Variants in DSCAM observed in about 807,000 individuals in gnomAD.
DSCAM encodes cell adhesion molecule DSCAM.
DSCAM carries 47 observed loss-of-function variants against 217.7 expected under a neutral mutation model. The observed-to-expected ratio is 0.22, with a 90% confidence interval of 0.17 to 0.28. The LOEUF is 0.28. Ranked by LOEUF, DSCAM falls within the 10% of genes least tolerant of loss-of-function variation. The pLI, the probability that DSCAM is intolerant of heterozygous loss-of-function variation, is 1.00. For synonymous variants in DSCAM, 1,056 were observed against 1,015.3 expected, an observed-to-expected ratio of 1.04 and a Z score of -0.76; for missense variants, 2,080 against 2,618.3, an observed-to-expected ratio of 0.79 and a Z score of 4.49.
intron 11 of DSCAM, among the ~76,000 whole-genome samples, chr21:40,223,411 T>C (rs1212031962): frequency 6.6e-6 from 1 of 152,212 alleles, no homozygotes; most frequent in African/African-American, 2.4e-5. Flanking sequence ...CATTTTCAGC[T>C]CTTAAACACA....
At chr21:40,225,383 G>A (rs933678766) in intron 11 of DSCAM, among the ~76,000 whole-genome samples, 12 of 152,042 alleles carry the variant, frequency 7.9e-5, no homozygotes, top group African/African-American at 2.7e-4. Context: ...TTCCCCCAGC[G>A]ATCTCAGGCA....
chr21:40,380,773 T>C (rs976918445), intron 3 of DSCAM, among the ~76,000 whole-genome samples: 1 of 152,078 alleles, frequency 6.6e-6, no homozygotes, highest in Non-Finnish European at 1.5e-5. Context: ...GGTTTGAAAA[T>C]AGAACTGAGG....
intron 11 of DSCAM, among the ~76,000 whole-genome samples, chr21:40,262,747 C>A (rs2073470597): frequency 6.6e-6 from 1 of 152,284 alleles, no homozygotes; most frequent in Admixed American, 6.5e-5. Flanking sequence ...GGCTGGAGGG[C>A]AGTGATAGAA....
intron 3 of DSCAM, among the ~76,000 whole-genome samples, chr21:40,665,705 T>C (rs1464941841): frequency 6.6e-6 from 1 of 152,222 alleles, no homozygotes; most frequent in East Asian, 1.9e-4. Flanking sequence ...CTGGCACTAC[T>C]GCTCACCGTT....
intron 8 of DSCAM, among the ~76,000 whole-genome samples, chr21:40,335,241 T>C (rs959293854): frequency 6.6e-6 from 1 of 152,134 alleles, no homozygotes; most frequent in Non-Finnish European, 1.5e-5. Flanking sequence ...GGCAATAAAA[T>C]ACCACATAAA....
chr21:40,364,976 A>G (rs2074816192), intron 4 of DSCAM, among the ~76,000 whole-genome samples: 1 of 150,358 alleles, frequency 6.7e-6, no homozygotes, highest in Non-Finnish European at 1.5e-5. Flanking sequence ...CTTATACTGA[A>G]AATAAAAATA....
intron 3 of DSCAM, among the ~76,000 whole-genome samples, chr21:40,440,029 C>T (rs74320770): frequency 6.7e-6 from 1 of 148,748 alleles, no homozygotes; most frequent in Non-Finnish European, 1.5e-5. Context: ...CAACAATTTA[C>T]AGTATTTACA....
chr21:40,118,124 G>A (rs2146654421), intron 20 of DSCAM, among the ~76,000 whole-genome samples: 2 of 152,210 alleles, frequency 1.3e-5, no homozygotes, highest in South Asian at 4.2e-4. Context: ...AATGTCTTTA[G>A]GTAAAAACTG....
chr21:40,061,828 G>A (rs74803844), intron 28 of DSCAM, among the ~76,000 whole-genome samples: 284 of 152,254 alleles, frequency 1.9e-3, no homozygotes, highest in Non-Finnish European at 3.1e-3. Flanking sequence ...TGTTGGTGAT[G>A]GGAGTGGGAA....
chr21:40,199,825 C>A (rs192521832), intron 11 of DSCAM, among the ~76,000 whole-genome samples: 1 of 152,110 alleles, frequency 6.6e-6, no homozygotes, highest in African/African-American at 2.4e-5. Context: ...CTAATGCATG[C>A]AGGGCTTAAA....
intron 32 of DSCAM, among the ~76,000 whole-genome samples, chr21:40,015,824 C>A (rs2088147377): frequency 6.6e-6 from 1 of 152,178 alleles, no homozygotes; most frequent in Non-Finnish European, 1.5e-5. Flanking sequence ...AATTAGGGCC[C>A]AGCCACCAGG....
At chr21:40,706,325 A>G (rs2090717572) in intron 2 of DSCAM, among the ~76,000 whole-genome samples, 1 of 152,206 alleles carries the variant, frequency 6.6e-6, no homozygotes, top group African/African-American at 2.4e-5. Flanking sequence ...GTAAGGAGCA[A>G]TACTGTCTGA....
intron 3 of DSCAM, among the ~76,000 whole-genome samples, chr21:40,638,743 G>A (rs1226931223): frequency 6.6e-6 from 1 of 152,070 alleles, no homozygotes; most frequent in East Asian, 1.9e-4. Context: ...CATTTTACTC[G>A]CGGCTAGACA....
intron 1 of DSCAM, among the ~76,000 whole-genome samples, chr21:40,722,660 T>C (rs976050775): frequency 2.0e-5 from 3 of 152,116 alleles, no homozygotes; most frequent in African/African-American, 7.2e-5. Context: ...ATTAGCAAGA[T>C]GATAGGTTTA....
chr21:40,360,728 G>A (rs926455916), intron 4 of DSCAM, among the ~76,000 whole-genome samples: 7 of 152,174 alleles, frequency 4.6e-5, no homozygotes, highest in African/African-American at 1.7e-4. Context: ...TGGACACCTG[G>A]GCTGATTTCA....
intron 1 of DSCAM, among the ~76,000 whole-genome samples, chr21:40,798,361 C>T (rs907179820): frequency 1.3e-5 from 2 of 151,990 alleles, no homozygotes; most frequent in Admixed American, 6.6e-5. Context: ...GTTTCGATTG[C>T]ATGAAATTTA....
chr21:40,337,268 G>A (rs1297974514), intron 8 of DSCAM, among the ~76,000 whole-genome samples: 1 of 152,126 alleles, frequency 6.6e-6, no homozygotes, highest in Admixed American at 6.6e-5. Context: ...CCTCAGACAG[G>A]CAGCTCAATG....
chr21:40,184,863 G>A (rs2090876029), intron 14 of DSCAM, among the ~76,000 whole-genome samples: 1 of 152,116 alleles, frequency 6.6e-6, no homozygotes, highest in Non-Finnish European at 1.5e-5. Context: ...GGGTTTTAGA[G>A]GCATTTTACT....
chr21:40,313,429 T>G (rs1466598232), intron 8 of DSCAM, among the ~76,000 whole-genome samples: 1 of 152,218 alleles, frequency 6.6e-6, no homozygotes, highest in Non-Finnish European at 1.5e-5. Context: ...CTTTGCTGAG[T>G]GATGCCTGTT....
Sources: gnomAD v4.1 joint callset for allele counts (sites outside exome capture counted in the v4.1 genomes callset) on GRCh38, gnomAD v4.1.1 for gene constraint, MANE v1.5 for transcripts, NCBI Gene and HGNC (gene_info 2026-07-23, HGNC 2026-07-21) for gene names.